The following PTPRD variants were observed in gnomAD, a reference collection of about 807,000 sequenced individuals.
PTPRD encodes protein tyrosine phosphatase receptor type D.
In PTPRD, 34 loss-of-function variants were observed where a neutral mutation model predicts 214.5. The observed-to-expected ratio is 0.16, with a 90% CI of 0.12 to 0.21. PTPRD has a LOEUF of 0.21. Ranked by LOEUF, PTPRD falls within the 10% of genes least tolerant of loss-of-function variation. The pLI, the probability that PTPRD is intolerant of heterozygous loss-of-function variation, is 1.00. For synonymous variants in PTPRD, 1,128 were observed against 845.7 expected, an observed-to-expected ratio of 1.33 and a Z score of -5.79; for missense variants, 2,545 against 2,398.7, an observed-to-expected ratio of 1.06 and a Z score of -1.27.
intron 10 of PTPRD, among the ~76,000 whole-genome samples, chr9:9,059,210 A>C (rs1297605505): frequency 6.6e-6 from 1 of 152,196 alleles, no homozygotes; most frequent in East Asian, 1.9e-4. Flanking sequence ...TTCCGTTAGG[A>C]CTATTCAAGA....
Position 10,198,591 on chromosome 9 carries a change from G to A in PTPRD, c.-545+142372C>T, listed in dbSNP as rs148682058. Among the ~76,000 whole-genome samples the A allele has an allele frequency of 2.0e-4, 30 of 152,196 alleles. No homozygotes were observed. The East Asian group carries it at 5.2e-3, about 26-fold the overall frequency. ...AGGATCCATTACAGGACTGTTAGAG[G>A]CAAGGACAAAGGTAACATTGAAAGG... is the stretch of plus-strand genomic sequence containing the variant. On this transcript the variant is annotated intron_variant, in intron 3 of 45. Coordinates refer to ENST00000381196, the MANE Select transcript of PTPRD (RefSeq NM_002839.4).
rs117405038 is a variant in PTPRD, at chr9:8,644,175, C to G, written c.65-7331G>C. Among the ~76,000 whole-genome samples the G allele has an allele frequency of 3.0e-3, 450 of 152,196 alleles. 20 individuals are homozygous for G. The East Asian group carries it at 0.073, about 25-fold the overall frequency. On this transcript the variant is annotated intron_variant, in intron 12 of 45. Transcript: ENST00000381196. Reference sequence around the variant, plus strand: ...CAGCTGCAGAGAGGAGCTACCCTCTCTGATGAGAACTGAGGACTTGCTTAA... The same window carrying G: ...CAGCTGCAGAGAGGAGCTACCCTCTGTGATGAGAACTGAGGACTTGCTTAA...
intron 9 of PTPRD, among the ~76,000 whole-genome samples, chr9:9,258,090 GAGATAGATAGAT>G (rs71319208): frequency 6.7e-6 from 1 of 148,250 alleles, no homozygotes; most frequent in Non-Finnish European, 1.5e-5. Context: ...TGAATGGATA[GAGATAGATAGAT>G]AGATAGATAG....
At chr9:10,034,144 TG>T (rs2097133590) in intron 3 of PTPRD, among the ~76,000 whole-genome samples, 1 of 152,070 alleles carries the variant, frequency 6.6e-6, no homozygotes, top group Non-Finnish European at 1.5e-5. Flanking sequence ...AAAATTCATA[TG>T]GAAAAAAATA....
intron 14 of PTPRD, among the ~76,000 whole-genome samples, chr9:8,573,418 T>A (rs1040540032): frequency 6.6e-6 from 1 of 151,972 alleles, no homozygotes; most frequent in Non-Finnish European, 1.5e-5. Context: ...CAGACTTAAA[T>A]TTCTTGAGTG....
chr9:8,555,740 C>T (rs939685032), intron 14 of PTPRD, among the ~76,000 whole-genome samples: 2 of 152,162 alleles, frequency 1.3e-5, no homozygotes, highest in African/African-American at 4.8e-5. Context: ...TCTGAAGTAA[C>T]AGGAAGGATG....
intron 9 of PTPRD, among the ~76,000 whole-genome samples, chr9:9,204,501 C>T (rs1414603023): frequency 1.3e-5 from 2 of 152,120 alleles, no homozygotes; most frequent in African/African-American, 4.8e-5. Flanking sequence ...CTAAGCATTA[C>T]CGGGTTCTCA....
At chr9:8,706,832 T>C (rs2154400360) in intron 12 of PTPRD, among the ~76,000 whole-genome samples, 1 of 152,332 alleles carries the variant, frequency 6.6e-6, no homozygotes, top group South Asian at 2.1e-4. Context: ...GATTGCTTCC[T>C]GATTTCACTG....
At chr9:9,945,668 G>C (rs1329878945) in intron 4 of PTPRD, among the ~76,000 whole-genome samples, 1 of 152,132 alleles carries the variant, frequency 6.6e-6, no homozygotes, top group East Asian at 1.9e-4. Context: ...ATGCTGGATT[G>C]TAATCAAGAT....
In PTPRD at chr9:8,485,861, G is replaced by C. The variant is rs2096992048; in HGVS notation, c.2956C>G (p.Pro986Ala). 2 of 1,614,038 alleles carry C rather than the reference G, an allele frequency of 1.2e-6. No homozygotes were observed. Among genetic ancestry groups the C allele is most frequent in the African/African-American group, 2.7e-5 (2 of 74,922 alleles). Residue 986 changes from proline to alanine, a missense_variant, in exon 28 of 46, where the codon CCA becomes GCA. Transcript: ENST00000381196. Reference sequence around the variant, plus strand: ...ACTTTTACATCGTATGTGGTATCTGGTTTTAAGCCAGTGAGTGTCATAGTG... The same window carrying C: ...ACTTTTACATCGTATGTGGTATCTGCTTTTAAGCCAGTGAGTGTCATAGTG... ...DTTMTLTGLK[P>A]DTTYDVKVRA...
intron 42 of PTPRD, among the ~76,000 whole-genome samples, chr9:8,339,715 G>C (rs901894997): frequency 1.3e-5 from 2 of 151,670 alleles, no homozygotes; most frequent in Non-Finnish European, 2.9e-5. Flanking sequence ...AAGCAAATAC[G>C]AAATAATGCT....
chr9:9,568,957 T>C (rs1255446839), intron 8 of PTPRD, among the ~76,000 whole-genome samples: 6 of 151,622 alleles, frequency 4.0e-5, no homozygotes, highest in African/African-American at 1.2e-4. Context: ...TTGAATAAAA[T>C]AATGGGTATC....
intron 3 of PTPRD, among the ~76,000 whole-genome samples, chr9:10,036,519 C>A (rs940275388): frequency 4.9e-5 from 7 of 142,992 alleles, no homozygotes; most frequent in African/African-American, 2.6e-5. Flanking sequence ...CACACACACA[C>A]ACACACACAC....
At chr9:10,269,956 A>C (rs558964937) in intron 3 of PTPRD, among the ~76,000 whole-genome samples, 1 of 152,120 alleles carries the variant, frequency 6.6e-6, no homozygotes, top group Non-Finnish European at 1.5e-5. Flanking sequence ...ATAAGATTCA[A>C]ATAGGGAAAT....
chr9:9,990,732 G>T lies in PTPRD; in HGVS notation c.-472+42986C>A, dbSNP rs556991448. 1.3e-3 allele frequency among the ~76,000 whole-genome samples: 201 copies of T among 152,296 alleles called. 3 individuals are homozygous for T. The highest frequency in any genetic ancestry group is 3.4e-3 in the Middle Eastern group (1 of 294). ...TTCTTAAAGTTTACTCTGGCAAAAT[G>T]GCATTTGCTTACATTGGGCATTATT... is the stretch of plus-strand genomic sequence containing the variant. On this transcript the variant is annotated intron_variant, in intron 4 of 45. Coordinates refer to ENST00000381196, the MANE Select transcript of PTPRD (RefSeq NM_002839.4).
intron 8 of PTPRD, among the ~76,000 whole-genome samples, chr9:9,411,588 G>A (rs2075450119): frequency 6.6e-6 from 1 of 152,130 alleles, no homozygotes; most frequent in Non-Finnish European, 1.5e-5. Flanking sequence ...TTTTGCTAAC[G>A]TTTCCGAAAT....
At chr9:9,169,200 G>A (rs953384220) in intron 10 of PTPRD, among the ~76,000 whole-genome samples, 1 of 151,748 alleles carries the variant, frequency 6.6e-6, no homozygotes, top group African/African-American at 2.4e-5. Flanking sequence ...AAACTTTTAT[G>A]ATATTTCTAA....
intron 2 of PTPRD, among the ~76,000 whole-genome samples, chr9:10,356,665 A>C (rs1335127584): frequency 6.6e-6 from 1 of 152,082 alleles, no homozygotes; most frequent in African/African-American, 2.4e-5. Flanking sequence ...TCATGTATTC[A>C]TAAAAATGTT....
At chr9:10,278,097 G>A (rs887830384) in intron 3 of PTPRD, among the ~76,000 whole-genome samples, 8 of 150,952 alleles carry the variant, frequency 5.3e-5, no homozygotes, top group African/African-American at 7.3e-5. Flanking sequence ...GAGGTGGAGC[G>A]AAGAGCCGAG....
Sources: gnomAD v4.1 joint callset for allele counts (sites outside exome capture counted in the v4.1 genomes callset) on GRCh38, gnomAD v4.1.1 for gene constraint, MANE v1.5 for transcripts, NCBI Gene and HGNC (gene_info 2026-07-23, HGNC 2026-07-21) for gene names.